Variants in TBC1D8B observed in about 807,000 individuals in gnomAD.
TBC1D8B encodes the protein RP11-321G1.1.
Under a neutral mutation model 82.9 loss-of-function variants are expected in TBC1D8B, and 75 were observed. The ratio of observed to expected loss-of-function variants is 0.90; its 90% CI spans 0.75 to 1.10. The LOEUF is 1.10. TBC1D8B is among the 50% of genes least tolerant of loss of function. The probability of loss-of-function intolerance (pLI) is 0.00; values close to 1 mark genes in which losing one functional copy is unlikely to be tolerated. For missense variants in TBC1D8B, 794 were observed against 796.9 expected, an observed-to-expected ratio of 1.00 and a Z score of 0.04; for synonymous variants, 276 against 276.8, an observed-to-expected ratio of 1.00 and a Z score of 0.03.
At chrX:106,845,523 C>T (rs377531452) in intron 10 of TBC1D8B, among the ~76,000 whole-genome samples, 7 of 97,014 alleles carry the variant, frequency 7.2e-5, no homozygotes, top group African/African-American at 1.2e-4. Flanking sequence ...TTGTTCAATT[C>T]CCACCTATGA....
chrX:106,864,117 C>G (rs952485042), intron 14 of TBC1D8B, among the ~76,000 whole-genome samples: 25 of 111,277 alleles, frequency 2.2e-4, no homozygotes, highest in Non-Finnish European at 2.8e-4. Flanking sequence ...TAGAGGTCCC[C>G]TTGGACTTAA....
At chrX:106,864,289 G>A (rs771127047) in intron 14 of TBC1D8B, among the ~76,000 whole-genome samples, 57 of 110,324 alleles carry the variant, frequency 5.2e-4, no homozygotes, top group Non-Finnish European at 7.6e-4. Context: ...CCGTATTGGG[G>A]AGCTTCTCCT....
At chrX:106,805,143 T>C (rs1457607082) in intron 1 of TBC1D8B, among the ~76,000 whole-genome samples, 1 of 93,782 alleles carries the variant, frequency 1.1e-5, no homozygotes, top group Non-Finnish European at 2.0e-5. Flanking sequence ...AGGGCAGTGA[T>C]AGTGATGTGA....
In TBC1D8B at chrX:106,850,134, G is replaced by A; in HGVS notation, c.1947G>A (p.Trp649Ter). The change falls in exon 12 of 21, where the codon TGG becomes TGA. Residue 649 changes from tryptophan (W) to a stop codon, truncating the protein, a stop_gained. Coordinates refer to ENST00000357242, the MANE Select transcript of TBC1D8B (RefSeq NM_017752.3). LOFTEE classifies it high-confidence loss of function. ...MTFFSSVSLS[W>*]FLTLFISVLP... ...TCTTTTCCTCAGTTTCTCTCTCTTG[G>A]TTTCTCACACTTTTTATTAGTGTGC... 8.3e-7 allele frequency: 1 copy of A among 1,211,097 alleles called. No homozygotes were observed.
At chrX:106,871,885 G>C (rs1431447444) in intron 20 of TBC1D8B, among the ~76,000 whole-genome samples, 1 of 111,649 alleles carries the variant, frequency 9.0e-6, no homozygotes. Context: ...AGATACACAG[G>C]GCGAGGTCTG....
chrX:106,819,496 CCTTT>C (rs1345404988), intron 2 of TBC1D8B, among the ~76,000 whole-genome samples: 2 of 111,131 alleles, frequency 1.8e-5, no homozygotes, highest in Non-Finnish European at 3.8e-5. Flanking sequence ...TGAAAAACTG[CCTTT>C]CTTCTTATCC....
At chrX:106,860,602 T>A in intron 14 of TBC1D8B, among the ~76,000 whole-genome samples, 1 of 110,735 alleles carries the variant, frequency 9.0e-6, no homozygotes, top group East Asian at 2.8e-4. Flanking sequence ...ATTGTGTCTA[T>A]TTGTATCGTC....
At position 106,840,176 on chromosome X, in the gene TBC1D8B, A is replaced by T; in HGVS notation, c.1482A>T (p.Gly494=). The T allele has an allele frequency of 8.3e-7, 1 of 1,207,956 alleles. No homozygotes were observed. The highest frequency in any genetic ancestry group is 1.1e-6 in the Non-Finnish European group (1 of 894,116). The change falls in exon 9 of 21, where the codon GGA becomes GGT. Residue 494 remains glycine (G), a synonymous_variant. Coordinates refer to ENST00000357242, the MANE Select transcript of TBC1D8B (RefSeq NM_017752.3). ...GAGGGATTCCAGAAACATTAAGAGG[A>T]GAACTCTGGATGCTTTTTTCAGGTA... The part of the protein sequence containing the change: ...VVRGIPETLR[G]ELWMLFSGAV...
intron 1 of TBC1D8B, among the ~76,000 whole-genome samples, chrX:106,808,634 A>G (rs1011450578): frequency 3.6e-5 from 4 of 112,424 alleles, no homozygotes; most frequent in African/African-American, 1.3e-4. Flanking sequence ...TTATCATGAC[A>G]TCATTTCCTT....
chrX:106,865,096 C>T (rs184813466), intron 14 of TBC1D8B, among the ~76,000 whole-genome samples: 1 of 111,386 alleles, frequency 9.0e-6, no homozygotes. Flanking sequence ...GATAAAAGTA[C>T]ATATTTTCTA....
At chrX:106,873,052 A>G (rs1932860745) in intron 20 of TBC1D8B, among the ~76,000 whole-genome samples, 1 of 112,326 alleles carries the variant, frequency 8.9e-6, no homozygotes, top group African/African-American at 3.2e-5. Flanking sequence ...ATGTACTATT[A>G]GGCAATAAGT....
chrX:106,848,330 A>G (rs768774593), intron 11 of TBC1D8B, 27 bp downstream of exon 11: 17 of 962,637 alleles, frequency 1.8e-5, no homozygotes, highest in Non-Finnish European at 2.5e-5. Context: ...ACACACACAT[A>G]TGCATACACA....
In TBC1D8B at chrX:106,874,822, G is replaced by C. The variant is rs1932876228; in HGVS notation, c.*857G>C. 9.0e-6 allele frequency: 1 copy of C among 111,594 alleles called. No homozygotes were observed. Among genetic ancestry groups the C allele is most frequent in the Non-Finnish European group, 1.9e-5 (1 of 53,057 alleles). The allele number at this position is 111,594 out of a possible 1,213,427, so 9.2% of individuals were successfully genotyped here. A position where few individuals can be genotyped will look rare whatever the true frequency, so the allele number is the denominator to read the frequency against. On this transcript the variant is annotated 3_prime_UTR_variant, in exon 21 of 21. Coordinates refer to ENST00000357242, the MANE Select transcript of TBC1D8B (RefSeq NM_017752.3). ...TGGTATTTGTCTCAGAGTAGCTTAT[G>C]ACTGTTTTGGTTCTAGCTTTAGATT...
chrX:106,852,246 A>G (rs1468355412), intron 12 of TBC1D8B, among the ~76,000 whole-genome samples: 9 of 101,037 alleles, frequency 8.9e-5, no homozygotes, highest in Non-Finnish European at 1.6e-4. Context: ...TCCTTCGCCC[A>G]CTTTTTGATG....
chrX:106,830,900 C>T (rs1006397543), intron 7 of TBC1D8B, among the ~76,000 whole-genome samples: 1 of 107,907 alleles, frequency 9.3e-6, no homozygotes, highest in Non-Finnish European at 1.9e-5. Flanking sequence ...ACATATGTAA[C>T]TAACCTGCAC....
intron 7 of TBC1D8B, among the ~76,000 whole-genome samples, chrX:106,834,362 C>T (rs866268515): frequency 2.7e-5 from 3 of 110,944 alleles, no homozygotes; most frequent in Non-Finnish European, 5.7e-5. Context: ...AGAAACTGCC[C>T]ATGATTCAAT....
chrX:106,851,926 A>G (rs1235287114), intron 12 of TBC1D8B, among the ~76,000 whole-genome samples: 1 of 110,518 alleles, frequency 9.0e-6, no homozygotes, highest in African/African-American at 3.3e-5. Context: ...TTGGGTATAT[A>G]CCCAGTAATG....
At chrX:106,847,459 A>C (rs1457656226) in intron 10 of TBC1D8B, among the ~76,000 whole-genome samples, 2 of 111,844 alleles carry the variant, frequency 1.8e-5, no homozygotes, top group Non-Finnish European at 3.8e-5. Flanking sequence ...TTATTTTCTC[A>C]TTCATACTTT....
chrX:106,849,957 G>C, intron 11 of TBC1D8B, 68 bp from the exon 12 acceptor site: 2 of 1,118,542 alleles, frequency 1.8e-6, no homozygotes, highest in Non-Finnish European at 2.4e-6. Context: ...GCTAATAGAA[G>C]TGGGGAGGTA....
Sources: allele counts gnomAD v4.1 joint callset (sites outside exome capture counted in the v4.1 genomes callset), GRCh38; gene constraint gnomAD v4.1.1; transcripts MANE v1.5; gene names NCBI Gene and HGNC (gene_info 2026-07-23, HGNC 2026-07-21).